PRMT1: variants seen among roughly 807,000 people sequenced by gnomAD.
PRMT1 encodes the protein protein arginine methyltransferase 1.
In PRMT1, 5 loss-of-function variants were observed where a neutral mutation model predicts 47.4. The observed-to-expected ratio is 0.11, with a 90% CI of 0.06 to 0.22. The LOEUF (loss-of-function observed/expected upper bound fraction) is 0.22, where lower values mean the gene tolerates loss of function less well. Ranked by LOEUF, PRMT1 falls within the 10% of genes least tolerant of loss-of-function variation. PRMT1 has a pLI of 1.00. For missense variants in PRMT1, 249 were observed against 518.4 expected, an observed-to-expected ratio of 0.48 and a Z score of 5.05; for synonymous variants, 227 against 204.6, an observed-to-expected ratio of 1.11 and a Z score of -0.94.
rs112520898 is a variant in PRMT1, at chr19:49,677,330, G to C, written c.36+14G>C. On this transcript the variant is annotated intron_variant, in intron 1 of 10. Transcript: ENST00000454376. ...TGCATCATGGAGGTGAGCGCTTGGA[G>C]CGCCGCCGTGGGCGGGAGGCGGCTT... The C allele has an allele frequency of 1.4e-6, 2 of 1,393,132 alleles. No homozygotes were observed. Among genetic ancestry groups the C allele is most frequent in the African/African-American group, 1.5e-5 (1 of 67,040 alleles). The allele number at this position is 1,393,132 out of a possible 1,614,324, so 86.3% of individuals were successfully genotyped here. A position where few individuals can be genotyped will look rare whatever the true frequency, so the allele number is the denominator to read the frequency against.
chr19:49,682,301 T>C (rs1035977608), intron 5 of PRMT1, 42 bp downstream of exon 5: 1 of 1,595,428 alleles, frequency 6.3e-7, no homozygotes, highest in Non-Finnish European at 8.6e-7. Context: ...GTGGAGGGGG[T>C]GATGCCCTGC....
At position 49,688,010 on chromosome 19, in the gene PRMT1, C is replaced by T. The variant is rs1486704630; in HGVS notation, c.1033-152C>T. On this transcript the variant is annotated intron_variant, in intron 10 of 10. Transcript: ENST00000454376. This position sits in a 1 kb window ranked among gnomAD's most constrained non-coding sequence, Gnocchi z 5.3. ...GTGCTGTCCCTTGGCAGGGTCAGGG[C>T]AGCTGCTAGGGTGGGACCAGCAGTT... 1 of 728,214 alleles carries T rather than the reference C, an allele frequency of 1.4e-6. No individual in the cohort carries two copies. The highest frequency in any genetic ancestry group is 1.9e-5 in the Admixed American group (1 of 52,404). 45.1% of individuals were successfully genotyped at this position (728,214 alleles called of 1,614,324 possible).
upstream of PRMT1, among the ~76,000 whole-genome samples, chr19:49,676,848 G>C (rs1159486845): frequency 6.6e-6 from 1 of 152,254 alleles, no homozygotes; most frequent in Non-Finnish European, 1.5e-5. Context: ...GTCGCTTCCG[G>C]ATAAACCAAT....
Position 49,688,035 on chromosome 19 carries a change from T to TG in PRMT1, c.1033-123dup, listed in dbSNP as rs2082235772. ...CAGCTGCTAGGGTGGGACCAGCAGT[T>TG]GGGGTCTGCAGCGTGGAGATGGGCA... is the stretch of plus-strand genomic sequence containing the variant. On this transcript the variant is annotated intron_variant, in intron 10 of 10. Transcript: ENST00000454376. The surrounding 1 kb of genome is among the most constrained non-coding windows in gnomAD (Gnocchi z 5.3). 2 of 854,708 alleles carry TG rather than the reference T, an allele frequency of 2.3e-6. No individual in the cohort carries two copies. Among genetic ancestry groups the TG allele is most frequent in the Non-Finnish European group, 4.0e-6 (2 of 500,934 alleles). 52.9% of individuals were successfully genotyped at this position (854,708 alleles called of 1,614,324 possible).
rs1246356915 is a variant in PRMT1, at chr19:49,681,904, C to T, written c.193-6C>T. ...TCACGGCGTCTCTGTGCCATTCTTG[C>T]CCTAGGAGATGCTGAAGGACGAGGT... is the stretch of plus-strand genomic sequence containing the variant. On this transcript the variant is annotated splice_polypyrimidine_tract_variant and splice_region_variant and intron_variant, in intron 3 of 10. Transcript: ENST00000454376. This position sits in a 1 kb window ranked among gnomAD's most constrained non-coding sequence, Gnocchi z 4.4. 1 of 1,612,358 alleles carries T rather than the reference C, an allele frequency of 6.2e-7. No individual in the cohort carries two copies. Among genetic ancestry groups the T allele is most frequent in the South Asian group, 1.1e-5 (1 of 90,908 alleles).
At chr19:49,677,081 C>G (rs2082045293), upstream of PRMT1, 2 of 440,400 alleles carry the variant, frequency 4.5e-6, no homozygotes, top group Non-Finnish European at 7.6e-6. Flanking sequence ...CCAGAGTTGG[C>G]AAACCCCTGA....
upstream of PRMT1, chr19:49,676,923 G>A (rs1009718491): frequency 4.1e-6 from 1 of 243,518 alleles, no homozygotes; most frequent in Non-Finnish European, 7.8e-6. Flanking sequence ...CCTTTAGCGC[G>A]GGGCTCCCCG....
At chr19:49,683,766 C>G (rs2082160224) in intron 5 of PRMT1, 161 bp from the exon 6 acceptor site, 1 of 753,632 alleles carries the variant, frequency 1.3e-6, no homozygotes, top group Non-Finnish European at 2.1e-6. Context: ...CAAAAATGTC[C>G]AGAACGATGT....
At position 49,688,101 on chromosome 19, in the gene PRMT1, A is replaced by ACCGC; in HGVS notation, c.1033-59_1033-58insGCCC. ...GCTCATCGTCGCATAGCCTGCCTGCACCCGCCCCCCGCCACCACCTCCTGG... is the reference window on the plus strand; with the variant it reads ...GCTCATCGTCGCATAGCCTGCCTGCACCGCCCCGCCCCCCGCCACCACCTCCTGG... On this transcript the variant is annotated intron_variant, in intron 10 of 10. Transcript: ENST00000454376. This position sits in a 1 kb window ranked among gnomAD's most constrained non-coding sequence, Gnocchi z 5.3. The ACCGC allele has an allele frequency of 6.9e-7, 1 of 1,444,530 alleles. No homozygotes were observed. The highest frequency in any genetic ancestry group is 1.4e-5 in the African/African-American group (1 of 69,484). The allele number at this position is 1,444,530 out of a possible 1,614,324, so 89.5% of individuals were successfully genotyped here. A position where few individuals can be genotyped will look rare whatever the true frequency, so the allele number is the denominator to read the frequency against.
chr19:49,684,868 CG>C lies in PRMT1; in HGVS notation c.643+31del. On this transcript the variant is annotated intron_variant, in intron 7 of 10. Transcript: ENST00000454376. This position sits in a 1 kb window ranked among gnomAD's most constrained non-coding sequence, Gnocchi z 6.2. ...TGAGCGCGGCCCGGGAGCTGGCGGG[CG>C]GGGCCTCGGGTGGGCTGCTGCGGGC... 1 of 1,610,524 alleles carries C rather than the reference CG, an allele frequency of 6.2e-7. No homozygotes were observed. The highest frequency in any genetic ancestry group is 1.7e-4 in the Middle Eastern group (1 of 6,042).
Position 49,688,086 on chromosome 19 carries a change from G to C in PRMT1, c.1033-76G>C, listed in dbSNP as rs2082237139. The C allele has an allele frequency of 7.8e-7, 1 of 1,286,354 alleles. No homozygotes were observed. The highest frequency in any genetic ancestry group is 1.1e-6 in the Non-Finnish European group (1 of 881,798). 79.7% of individuals were successfully genotyped at this position (1,286,354 alleles called of 1,614,324 possible). ...GGAAGCTGGAGCCCGGCTCATCGTC[G>C]CATAGCCTGCCTGCACCCGCCCCCC... is the stretch of plus-strand genomic sequence containing the variant. On this transcript the variant is annotated intron_variant, in intron 10 of 10. Transcript: ENST00000454376. This position sits in a 1 kb window ranked among gnomAD's most constrained non-coding sequence, Gnocchi z 5.3.
Position 49,680,857 on chromosome 19 carries a change from C to T in PRMT1, c.192+269C>T, listed in dbSNP as rs1185120205. On this transcript the variant is annotated intron_variant, in intron 3 of 10. Transcript: ENST00000454376. This position sits in a 1 kb window ranked among gnomAD's most constrained non-coding sequence, Gnocchi z 4.2. ...GCCTTAGCCAGAGGTCGGGCAGGGC[C>T]CACTGGTCTCTGCCGCCCTCTAGTG... 6.6e-6 allele frequency among the ~76,000 whole-genome samples: 1 copy of T among 152,212 alleles called. No individual in the cohort carries two copies. The highest frequency in any genetic ancestry group is 1.5e-5 in the Non-Finnish European group (1 of 68,022).
chr19:49,679,992 T>C, intron 2 of PRMT1, 67 bp downstream of exon 2: 1 of 1,479,522 alleles, frequency 6.8e-7, no homozygotes. Context: ...GCCACACATC[T>C]GGCCCTTTCT....
In PRMT1 at chr19:49,684,902, C is replaced by T. The variant is rs780189816; in HGVS notation, c.644-20C>T. 3.7e-6 allele frequency: 6 copies of T among 1,604,810 alleles called. No homozygotes were observed. The highest frequency in any genetic ancestry group is 2.2e-5 in the East Asian group (1 of 44,646). On this transcript the variant is annotated intron_variant, in intron 7 of 10. Transcript: ENST00000454376. The surrounding 1 kb of genome is among the most constrained non-coding windows in gnomAD (Gnocchi z 6.2). ...GGGTGGGCTGCTGCGGGCTCACCCCCTCCCTGCCTGCCTCCCCAGGGTGGG... is the reference window on the plus strand; with the variant it reads ...GGGTGGGCTGCTGCGGGCTCACCCCTTCCCTGCCTGCCTCCCCAGGGTGGG...
In PRMT1 at chr19:49,684,628, C is replaced by T. The variant is rs1007542636; in HGVS notation, c.556-126C>T. The T allele has an allele frequency of 1.5e-5, 17 of 1,104,422 alleles. No homozygotes were observed. The East Asian group carries it at 2.6e-4, about 17-fold the overall frequency. The allele number at this position is 1,104,422 out of a possible 1,614,324, so 68.4% of individuals were successfully genotyped here. On this transcript the variant is annotated intron_variant, in intron 6 of 10. Transcript: ENST00000454376. This position sits in a 1 kb window ranked among gnomAD's most constrained non-coding sequence, Gnocchi z 6.2. ...GCCGTGTGGGAAATAGACCAGGGGG[C>T]GAGGGGTGAGTGCCGCTGCGACATG...
chr19:49,679,032 C>T (rs1024373758), intron 1 of PRMT1, among the ~76,000 whole-genome samples: 5 of 151,982 alleles, frequency 3.3e-5, no homozygotes, highest in Admixed American at 6.6e-5. Flanking sequence ...TACAGGCACC[C>T]GCCACCAGGC....
intron 10 of PRMT1, among the ~76,000 whole-genome samples, chr19:49,687,289 G>T (rs546174242): frequency 4.6e-5 from 7 of 152,318 alleles, no homozygotes; most frequent in South Asian, 2.1e-4. Flanking sequence ...CGGAGACAGG[G>T]TCTGGGCAGA....
At chr19:49,679,363 G>A (rs1031627048) in intron 1 of PRMT1, among the ~76,000 whole-genome samples, 7 of 152,178 alleles carry the variant, frequency 4.6e-5, no homozygotes, top group Non-Finnish European at 7.4e-5. Flanking sequence ...GGAAGTACCC[G>A]TGTGCCACAC....
In PRMT1 at chr19:49,683,942, A is replaced by C; in HGVS notation, c.428A>C (p.Lys143Thr). 1 of 1,613,522 alleles carries C rather than the reference A, an allele frequency of 6.2e-7. No individual in the cohort carries two copies. Among genetic ancestry groups the C allele is most frequent in the East Asian group, 2.2e-5 (1 of 44,816 alleles). Reference protein sequence around the residue: ...NKLDHVVTIIKGKVEEVELPV... With the variant: ...NKLDHVVTIITGKVEEVELPV... ...CCGCCCGCAGTGGTGACCATCATCA[A>C]GGGGAAGGTGGAGGAGGTGGAGCTC... is the stretch of plus-strand genomic sequence containing the variant. The change falls in exon 6 of 11, where the codon AAG becomes ACG. Residue 143 changes from lysine to threonine, a missense_variant. Coordinates refer to ENST00000454376, the MANE Select transcript of PRMT1 (RefSeq NM_001536.6).
Sources: allele counts gnomAD v4.1 joint callset (sites outside exome capture counted in the v4.1 genomes callset), GRCh38; gene constraint gnomAD v4.1.1; non-coding constraint Gnocchi (gnomAD v3.1); transcripts MANE v1.5; gene names NCBI Gene and HGNC (gene_info 2026-07-23, HGNC 2026-07-21).